LDLRAP1: variants seen among roughly 807,000 people sequenced by gnomAD.
LDLRAP1 encodes low density lipoprotein receptor adapter protein 1.
LDLRAP1 carries 30 observed loss-of-function variants against 37.8 expected under a neutral mutation model. That is an observed-to-expected ratio of 0.79 (90% confidence interval 0.59 to 1.08). LDLRAP1 has a LOEUF of 1.08. LDLRAP1 is among the 50% of genes least tolerant of loss of function. The pLI, the probability that LDLRAP1 is intolerant of heterozygous loss-of-function variation, is 0.00. For synonymous variants in LDLRAP1, 156 were observed against 169.8 expected, an observed-to-expected ratio of 0.92 and a Z score of 0.63; for missense variants, 375 against 401.6, an observed-to-expected ratio of 0.93 and a Z score of 0.57.
chr1:25,560,862 C>T (rs2044326459), intron 4 of LDLRAP1, among the ~76,000 whole-genome samples: 1 of 152,260 alleles, frequency 6.6e-6, no homozygotes, highest in South Asian at 2.1e-4. Flanking sequence ...AGTCCCTCCA[C>T]CTAATGCTGG....
At position 25,554,803 on chromosome 1, in the gene LDLRAP1, T is replaced by C. The variant is rs2044160239; in HGVS notation, c.232-57T>C. 1 of 1,369,346 alleles carries C rather than the reference T, an allele frequency of 7.3e-7. No homozygotes were observed. Among genetic ancestry groups the C allele is most frequent in the Non-Finnish European group, 1.0e-6 (1 of 966,096 alleles). The allele number at this position is 1,369,346 out of a possible 1,614,324, so 84.8% of individuals were successfully genotyped here. A position where few individuals can be genotyped will look rare whatever the true frequency, so the allele number is the denominator to read the frequency against. ...CTTAGGAACAGTGAAGTGTAAGCCATGAGGGTGGGTCTCAAGTGAGGCTGG... is the reference window on the plus strand; with the variant it reads ...CTTAGGAACAGTGAAGTGTAAGCCACGAGGGTGGGTCTCAAGTGAGGCTGG... On this transcript the variant is annotated intron_variant, in intron 2 of 8. Coordinates refer to ENST00000374338, the MANE Select transcript of LDLRAP1 (RefSeq NM_015627.3). This position sits in a 1 kb window ranked among gnomAD's most constrained non-coding sequence, Gnocchi z 5.4.
rs1326525056 is a variant in LDLRAP1 at position 25,568,617 on chromosome 1, C to T, written c.*1625C>T. The T allele has an allele frequency of 6.6e-6, 1 of 152,216 alleles. No homozygotes were observed. The highest frequency in any genetic ancestry group is 2.4e-5 in the African/African-American group (1 of 41,430). 9.4% of individuals were successfully genotyped at this position (152,216 alleles called of 1,614,324 possible). On this transcript the variant is annotated 3_prime_UTR_variant, in exon 9 of 9. Transcript: ENST00000374338. Reference sequence around the variant, plus strand: ...AGAACATGAGGATAACTTCCTTGCCCCTGCTCTGTAGCCACCTCCTTGGCA... The same window carrying T: ...AGAACATGAGGATAACTTCCTTGCCTCTGCTCTGTAGCCACCTCCTTGGCA...
Position 25,544,028 on chromosome 1 carries a change from C to T in LDLRAP1, c.88+242C>T, listed in dbSNP as rs2043869845. Among the ~76,000 whole-genome samples, 1 of 152,250 alleles carries T rather than the reference C, an allele frequency of 6.6e-6. No homozygotes were observed. Among genetic ancestry groups the T allele is most frequent in the African/African-American group, 2.4e-5 (1 of 41,566 alleles). ...CAGCGCTGAGGAAGGAGCCCGAGCT[C>T]GGGGTCCTCAGGTGCAGCCGGCATG... is the stretch of plus-strand genomic sequence containing the variant. On this transcript the variant is annotated intron_variant, in intron 1 of 8. Transcript: ENST00000374338. The surrounding 1 kb of genome is among the most constrained non-coding windows in gnomAD (Gnocchi z 4.8).
intron 1 of LDLRAP1, among the ~76,000 whole-genome samples, 179 bp downstream of exon 1, chr1:25,543,965 C>G (rs546276040): frequency 5.3e-5 from 8 of 152,178 alleles, no homozygotes; most frequent in Non-Finnish European, 1.2e-4. Context: ...AAGTTGTGCA[C>G]CTACTCGCCG....
intron 1 of LDLRAP1, among the ~76,000 whole-genome samples, chr1:25,549,453 C>G (rs2044017587): frequency 6.6e-6 from 1 of 152,224 alleles, no homozygotes; most frequent in African/African-American, 2.4e-5. Flanking sequence ...TTCAGCCCAG[C>G]TCTGACTCCC....
the LDLRAP1 span, among the ~76,000 whole-genome samples, chr1:25,587,911 A>G: frequency 6.6e-6 from 1 of 152,162 alleles, no homozygotes; most frequent in African/African-American, 2.4e-5. Context: ...AGTAGACATA[A>G]GAGACTCCAT....
the LDLRAP1 span, among the ~76,000 whole-genome samples, chr1:25,583,376 A>G: frequency 6.6e-6 from 1 of 151,880 alleles, no homozygotes; most frequent in Non-Finnish European, 1.5e-5. Context: ...CTTTTTTAGT[A>G]GAGATGGGGT....
the LDLRAP1 span, among the ~76,000 whole-genome samples, chr1:25,575,358 G>A: frequency 6.7e-6 from 1 of 150,244 alleles, no homozygotes; most frequent in African/African-American, 2.5e-5. Flanking sequence ...GGCTGAGGCA[G>A]GTGAATCACT....
the LDLRAP1 span, among the ~76,000 whole-genome samples, chr1:25,587,946 T>C: frequency 6.6e-6 from 1 of 151,826 alleles, no homozygotes; most frequent in African/African-American, 2.4e-5. Flanking sequence ...AGAAAAATTC[T>C]TCTGCCTTGA....
chr1:25,551,353 G>A (rs960450271), intron 1 of LDLRAP1, among the ~76,000 whole-genome samples: 1 of 152,170 alleles, frequency 6.6e-6, no homozygotes, highest in African/African-American at 2.4e-5. Context: ...CTAGAATTAA[G>A]GTAGTTTGCT....
At position 25,562,976 on chromosome 1, in the gene LDLRAP1, G is replaced by C. The variant is rs969945113; in HGVS notation, c.533-94G>C. ...GGCTGGAAACCTGAAACTGCCCCTT[G>C]AGGTTGGCCACCGCTAATCACCCCT... On this transcript the variant is annotated intron_variant, in intron 5 of 8. Coordinates refer to ENST00000374338, the MANE Select transcript of LDLRAP1 (RefSeq NM_015627.3). 4 of 1,208,130 alleles carry C rather than the reference G, an allele frequency of 3.3e-6. No individual in the cohort carries two copies. The East Asian group carries it at 7.0e-5, about 21-fold the overall frequency. 74.8% of individuals were successfully genotyped at this position (1,208,130 alleles called of 1,614,324 possible). A position where few individuals can be genotyped will look rare whatever the true frequency, so the allele number is the denominator to read the frequency against.
At chr1:25,577,022 G>T in the LDLRAP1 span, among the ~76,000 whole-genome samples, 1 of 152,188 alleles carries the variant, frequency 6.6e-6, no homozygotes, top group Non-Finnish European at 1.5e-5. Context: ...GCTCTCCATG[G>T]CGATGTTCCT....
the LDLRAP1 span, among the ~76,000 whole-genome samples, chr1:25,582,389 A>G: frequency 6.6e-6 from 1 of 152,030 alleles, no homozygotes. Flanking sequence ...GATCGAGACC[A>G]TCCTGGCGAA....
chr1:25,550,586 C>T (rs1027650725), intron 1 of LDLRAP1, among the ~76,000 whole-genome samples: 5 of 152,116 alleles, frequency 3.3e-5, no homozygotes, highest in African/African-American at 4.8e-5. Flanking sequence ...GGAGAAGAGA[C>T]GGGGAAACTT....
the LDLRAP1 span, chr1:25,590,368 A>C: frequency 6.6e-6 from 1 of 152,232 alleles, no homozygotes. Flanking sequence ...GGGCCTCCAC[A>C]CTTGTCTCTC....
chr1:25,552,409 G>A (rs2044092830), intron 1 of LDLRAP1, among the ~76,000 whole-genome samples: 1 of 152,212 alleles, frequency 6.6e-6, no homozygotes. Flanking sequence ...CTCCCTGGGG[G>A]ATGGTCTAGG....
the LDLRAP1 span, chr1:25,581,362 A>G: frequency 2.0e-5 from 3 of 152,252 alleles, no homozygotes; most frequent in Non-Finnish European, 2.9e-5. Flanking sequence ...ACAGGGCCCA[A>G]GCACTGACAC....
At chr1:25,564,088 C>T in intron 7 of LDLRAP1, 1 of 431,782 alleles carries the variant, frequency 2.3e-6, no homozygotes, top group Admixed American at 3.5e-5. Context: ...CGCCCTTGTT[C>T]TTGGTGTGGC....
At chr1:25,580,586 C>G in the LDLRAP1 span, among the ~76,000 whole-genome samples, 1 of 152,180 alleles carries the variant, frequency 6.6e-6, no homozygotes, top group Admixed American at 6.5e-5. Flanking sequence ...CAGCTCATTG[C>G]AGCCTTGACG....
Sources: allele counts gnomAD v4.1 joint callset (sites outside exome capture counted in the v4.1 genomes callset), GRCh38; gene constraint gnomAD v4.1.1; non-coding constraint Gnocchi (gnomAD v3.1); transcripts MANE v1.5; gene names NCBI Gene and HGNC (gene_info 2026-07-23, HGNC 2026-07-21).